The following GCC1 variants were observed in gnomAD, a reference collection of about 807,000 sequenced individuals.
The protein encoded by GCC1 is GRIP and coiled-coil domain-containing protein 1.
GCC1 carries 36 observed loss-of-function variants against 62.5 expected under a neutral mutation model. That is an observed-to-expected ratio of 0.58 (90% CI 0.44 to 0.76). GCC1 has a LOEUF of 0.76. Among genes scored for constraint, GCC1 ranks in the 30% least tolerant of loss-of-function variants. The pLI is 0.00. For synonymous variants in GCC1, 391 were observed against 386.8 expected (o/e 1.01, Z -0.13); for missense variants, 885 against 948.3 (o/e 0.93, Z 0.88).
rs1366812004 is a variant in GCC1 at position 127,583,136 on chromosome 7, G to A, written c.1206C>T (p.Asp402=). ...CTAGAGCCAGTGTCTTGTTCTCCAG[G>A]TCCAGCTGCAGAATGCGCTCCTTCA... is the stretch of plus-strand genomic sequence containing the variant. The part of the protein sequence containing the change: ...QKLKERILQL[D]LENKTLALAA... The change falls in exon 2 of 2, where the codon GAC becomes GAT. Residue 402 remains aspartate (D), a synonymous_variant. Coordinates refer to ENST00000321407, the MANE Select transcript of GCC1 (RefSeq NM_024523.6). The A allele has an allele frequency of 6.2e-7, 1 of 1,613,914 alleles. No homozygotes were observed. Among genetic ancestry groups the A allele is most frequent in the Non-Finnish European group, 8.5e-7 (1 of 1,180,036 alleles).
Position 127,584,868 on chromosome 7 carries a change from G to A in GCC1, c.315C>T (p.Ala105=). The A allele has an allele frequency of 1.9e-6, 3 of 1,614,150 alleles. No individual in the cohort carries two copies. The highest frequency in any genetic ancestry group is 2.5e-6 in the Non-Finnish European group (3 of 1,180,026). Residue 105 remains alanine (A), a synonymous_variant, in exon 1 of 2, where the codon GCC becomes GCT. Transcript: ENST00000321407. ...ACTCACCCTTGGTGCTGGTGAGACT[G>A]GCCGCAGTATCCAAGCTAGTGGCGG... The part of the protein sequence containing the change: ...TGTATSLDTA[A]SLTSTKGEFG...
At position 127,582,936 on chromosome 7, in the gene GCC1, T is replaced by C; in HGVS notation, c.1406A>G (p.Glu469Gly). The change falls in exon 2 of 2, where the codon GAG (glutamate) becomes GGG (glycine). Residue 469 changes from glutamate to glycine, a missense_variant. Glu to Gly is a moderately conservative substitution (Grantham distance 98, BLOSUM62 -2). Transcript: ENST00000321407. This position sits in a 1 kb window ranked among gnomAD's most constrained non-coding sequence, Gnocchi z 4.8. ...AGTAGCCTTCTCCCCATCAGCAGCC[T>C]CCGAGCTGGGCATTATCTCCAGGTC... ...LCDLEIMPSSEAADGEKATAL... is the reference protein window; with the variant it reads ...LCDLEIMPSSGAADGEKATAL... 6.2e-7 allele frequency: 1 copy of C among 1,614,152 alleles called. No individual in the cohort carries two copies. Among genetic ancestry groups the C allele is most frequent in the Non-Finnish European group, 8.5e-7 (1 of 1,180,034 alleles).
chr7:127,583,031 C>T lies in GCC1; in HGVS notation c.1311G>A (p.Glu437=), dbSNP rs1214326277. The T allele has an allele frequency of 1.6e-5, 26 of 1,614,190 alleles. No homozygotes were observed. Among genetic ancestry groups the T allele is most frequent in the Non-Finnish European group, 2.2e-5 (26 of 1,180,044 alleles). Residue 437 remains glutamate, a synonymous_variant, in exon 2 of 2, where the codon GAG becomes GAA. Coordinates refer to ENST00000321407, the MANE Select transcript of GCC1 (RefSeq NM_024523.6). The part of the protein sequence containing the change: ...LDVNVLKDKM[E]KLKRLLQVAA... ...CAACCTGCAGCAGCCTCTTCAGCTT[C>T]TCCATCTTATCTTTCAGGACATTGA...
Position 127,585,307 on chromosome 7 carries a change from C to T in GCC1, c.-125G>A. ...CCGGCGGCGGGCCGCACACCTACTC[C>T]ACCTAGTTATCCCGGACCTAATGCG... On this transcript the variant is annotated 5_prime_UTR_variant, in exon 1 of 2. Coordinates refer to ENST00000321407, the MANE Select transcript of GCC1 (RefSeq NM_024523.6). 1.1e-6 allele frequency: 1 copy of T among 886,734 alleles called. No homozygotes were observed. Among genetic ancestry groups the T allele is most frequent in the Non-Finnish European group, 1.7e-6 (1 of 590,634 alleles). 54.9% of individuals were successfully genotyped at this position (886,734 alleles called of 1,614,324 possible).
At position 127,581,102 on chromosome 7, in the gene GCC1, C is replaced by T. The variant is rs1422561030; in HGVS notation, c.*912G>A. 6.6e-6 allele frequency: 1 copy of T among 152,198 alleles called. No individual in the cohort carries two copies. Among genetic ancestry groups the T allele is most frequent in the Admixed American group, 6.5e-5 (1 of 15,282 alleles). The allele number at this position is 152,198 out of a possible 1,614,324, so 9.4% of individuals were successfully genotyped here. A position where few individuals can be genotyped will look rare whatever the true frequency, so the allele number is the denominator to read the frequency against. On this transcript the variant is annotated 3_prime_UTR_variant, in exon 2 of 2. Coordinates refer to ENST00000321407, the MANE Select transcript of GCC1 (RefSeq NM_024523.6). ...AAATTTTCCCCTTTTGCTGTCCCTA[C>T]AAAGGCAGAAAAGCTAGGGGCCAAT...
At position 127,584,551 on chromosome 7, in the gene GCC1, A is replaced by T. The variant is rs367828009; in HGVS notation, c.632T>A (p.Leu211Gln). 2.5e-6 allele frequency: 4 copies of T among 1,613,798 alleles called. No homozygotes were observed. In the African/African-American group the frequency reaches 5.3e-5, roughly 22 times the overall value. Reference sequence around the variant, plus strand: ...CTGCAGCCCCTTCAATTCTCCCTCCAGGCGGGCCCTCTCCTCCTCCGCCTT... The same window carrying T: ...CTGCAGCCCCTTCAATTCTCCCTCCTGGCGGGCCCTCTCCTCCTCCGCCTT... ...SNKAEEERAR[L>Q]EGELKGLQEQ... The change falls in exon 1 of 2, where the codon CTG (leucine) becomes CAG (glutamine). Residue 211 changes from leucine to glutamine, a missense_variant. Physicochemically the swap from Leu to Gln is moderately radical, Grantham distance 113 (BLOSUM62 -2). Transcript: ENST00000321407.
In GCC1 at chr7:127,583,313, C is replaced by A; in HGVS notation, c.1033-4G>T. ...GTTGATCCTCTGCAAGAGCTGTCTG[C>A]AAAACAAGGGAACAGACAAAAATGC... On this transcript the variant is annotated splice_region_variant and splice_polypyrimidine_tract_variant and intron_variant, in intron 1 of 1. Transcript: ENST00000321407. 2 of 1,582,792 alleles carry A rather than the reference C, an allele frequency of 1.3e-6. No homozygotes were observed. The highest frequency in any genetic ancestry group is 1.1e-5 in the South Asian group (1 of 88,520).
chr7:127,582,706 G>T lies in GCC1; in HGVS notation c.1636C>A (p.Gln546Lys), dbSNP rs1443534674. 6.2e-7 allele frequency: 1 copy of T among 1,614,100 alleles called. No individual in the cohort carries two copies. ...TGCTTCCAGTCATCAGCCTCCTGCT[G>T]GTGTTGGTGCTCCAGCTCCTCGCAG... Reference protein sequence around the residue: ...LSCEELEHQHQQEADDWKQEL... With the variant: ...LSCEELEHQHKQEADDWKQEL... Residue 546 changes from glutamine (Q) to lysine (K), a missense_variant, in exon 2 of 2, where the codon CAG becomes AAG. Transcript: ENST00000321407. The surrounding 1 kb of genome is among the most constrained non-coding windows in gnomAD (Gnocchi z 4.8).
Position 127,584,241 on chromosome 7 carries a change from A to C in GCC1, c.942T>G (p.Asn314Lys). Reference protein sequence around the residue: ...SELQAIRDEKNQPDPRLQELQ... With the variant: ...SELQAIRDEKKQPDPRLQELQ... ...GTTCTTGCAGCCGGGGATCTGGCTG[A>C]TTCTTCTCATCTCGAATGGCCTGCA... is the stretch of plus-strand genomic sequence containing the variant. The change falls in exon 1 of 2, where the codon AAT becomes AAG. Residue 314 changes from asparagine (N) to lysine (K), a missense_variant. By Grantham distance (94) the Asn-to-Lys change is moderately conservative. Transcript: ENST00000321407. 6.2e-7 allele frequency: 1 copy of C among 1,613,608 alleles called. No individual in the cohort carries two copies. The highest frequency in any genetic ancestry group is 1.7e-5 in the Admixed American group (1 of 59,928).
rs1307163560 is a variant in GCC1, at chr7:127,582,315, C to A, written c.2027G>T (p.Arg676Met). The change falls in exon 2 of 2, where the codon AGG becomes ATG. Residue 676 changes from arginine to methionine, a missense_variant. Coordinates refer to ENST00000321407, the MANE Select transcript of GCC1 (RefSeq NM_024523.6). The surrounding 1 kb of genome is among the most constrained non-coding windows in gnomAD (Gnocchi z 4.8). ...CAGCTGATGCACCTCGACCTCCAGC[C>A]TGTGCTTCTGCTTCCTCAGTGATGT... ...EITSLRKQKH[R>M]LEVEVHQLQD... 1.9e-6 allele frequency: 3 copies of A among 1,614,114 alleles called. No homozygotes were observed. Among genetic ancestry groups the A allele is most frequent in the Admixed American group, 1.7e-5 (1 of 60,008 alleles).
Position 127,581,905 on chromosome 7 carries a change from C to T in GCC1, c.*109G>A. The T allele has an allele frequency of 9.2e-6, 8 of 870,736 alleles. No homozygotes were observed. Among genetic ancestry groups the T allele is most frequent in the African/African-American group, 3.4e-5 (2 of 59,498 alleles). The allele number at this position is 870,736 out of a possible 1,614,324, so 53.9% of individuals were successfully genotyped here. A position where few individuals can be genotyped will look rare whatever the true frequency, so the allele number is the denominator to read the frequency against. On this transcript the variant is annotated 3_prime_UTR_variant, in exon 2 of 2. Transcript: ENST00000321407. ...ACATTGAAGACTCCTCCCAGCTCAA[C>T]ACAGTGAAGAAATAAATGACAATGT...
Position 127,582,459 on chromosome 7 carries a change from C to G in GCC1, c.1883G>C (p.Gly628Ala). ...AGAGGATGATGTGTCAGCTGGGTCC[C>G]CAGGACCGCCACCACCCACAGGACT... The part of the protein sequence containing the change: ...RRSPVGGGGP[G>A]DPADTSSSDS... Residue 628 changes from glycine to alanine, a missense_variant, in exon 2 of 2, where the codon GGG (glycine) becomes GCG (alanine). Physicochemically the swap from Gly to Ala is moderately conservative, Grantham distance 60. Transcript: ENST00000321407. This position sits in a 1 kb window ranked among gnomAD's most constrained non-coding sequence, Gnocchi z 4.8. 1 of 1,614,040 alleles carries G rather than the reference C, an allele frequency of 6.2e-7. No homozygotes were observed. Among genetic ancestry groups the G allele is most frequent in the Non-Finnish European group, 8.5e-7 (1 of 1,180,022 alleles).
chr7:127,584,622 CAAGT>C lies in GCC1; in HGVS notation c.557_560del (p.Tyr186TrpfsTer7). The C allele has an allele frequency of 6.2e-7, 1 of 1,614,138 alleles. No individual in the cohort carries two copies. The highest frequency in any genetic ancestry group is 8.5e-7 in the Non-Finnish European group (1 of 1,180,034). On this transcript the variant is annotated frameshift_variant, in exon 1 of 2. Coordinates refer to ENST00000321407, the MANE Select transcript of GCC1 (RefSeq NM_024523.6). ...CCTGTTTCATCTTTTTCTTGTCAGC[CAAGT>C]AAGAAGCCTCCATGCGGGACTTCTC...
chr7:127,582,059 C>T lies in GCC1; in HGVS notation c.2283G>A (p.Met761Ile). Residue 761 changes from methionine to isoleucine, a missense_variant, in exon 2 of 2, where the codon ATG (methionine) becomes ATA (isoleucine). Physicochemically the swap from Met to Ile is conservative, Grantham distance 10. Transcript: ENST00000321407. The surrounding 1 kb of genome is among the most constrained non-coding windows in gnomAD (Gnocchi z 4.8). ...HFSPEEKQVI[M>I]RLPTSASWWP... ...ACCAGCTGGCACTGGTTGGGAGTCG[C>T]ATTATCACTTGTTTCTCCTCTGGAC... 6.2e-7 allele frequency: 1 copy of T among 1,614,172 alleles called. No homozygotes were observed. The highest frequency in any genetic ancestry group is 8.5e-7 in the Non-Finnish European group (1 of 1,180,024).
In GCC1 at chr7:127,582,983, G is replaced by A. The variant is rs781365548; in HGVS notation, c.1359C>T (p.Thr453=). The change falls in exon 2 of 2, where the codon ACC becomes ACT. Residue 453 remains threonine, a synonymous_variant. Coordinates refer to ENST00000321407, the MANE Select transcript of GCC1 (RefSeq NM_024523.6). The surrounding 1 kb of genome is among the most constrained non-coding windows in gnomAD (Gnocchi z 4.8). Reference sequence around the variant, plus strand: ...GGTCACAGAGCTTCTCCACATCCAGGGTCACCTGGCTTTTCCTGGCCGCAA... The same window carrying A: ...GGTCACAGAGCTTCTCCACATCCAGAGTCACCTGGCTTTTCCTGGCCGCAA... ...LQVAARKSQV[T]LDVEKLCDLE... 1 of 1,613,956 alleles carries A rather than the reference G, an allele frequency of 6.2e-7. No individual in the cohort carries two copies. The highest frequency in any genetic ancestry group is 1.3e-5 in the African/African-American group (1 of 74,892).
intron 1 of GCC1, among the ~76,000 whole-genome samples, 187 bp downstream of exon 1, chr7:127,583,964 C>T (rs1223237113): frequency 6.6e-6 from 1 of 152,204 alleles, no homozygotes; most frequent in Non-Finnish European, 1.5e-5. Context: ...AGCTCCACAT[C>T]CTCCTGGAAG....
At position 127,583,181 on chromosome 7, in the gene GCC1, G is replaced by GTCCT. The variant is rs1349234166; in HGVS notation, c.1157_1160dup (p.Asp387GlufsTer50). 1 of 1,613,938 alleles carries GTCCT rather than the reference G, an allele frequency of 6.2e-7. No homozygotes were observed. The highest frequency in any genetic ancestry group is 8.5e-7 in the Non-Finnish European group (1 of 1,180,014). ...CCTTCAGCTTCTGAATGGCCAGCTG[G>GTCCT]TCCTTCTGCTTGGCTTTCTCGTAGG... On this transcript the variant is annotated frameshift_variant, in exon 2 of 2. Transcript: ENST00000321407.
rs763231195 is a variant in GCC1 at position 127,582,434 on chromosome 7, A to G, written c.1908T>C (p.Ser636=). The change falls in exon 2 of 2, where the codon TCT becomes TCC. Residue 636 remains serine (S), a synonymous_variant. Coordinates refer to ENST00000321407, the MANE Select transcript of GCC1 (RefSeq NM_024523.6). The surrounding 1 kb of genome is among the most constrained non-coding windows in gnomAD (Gnocchi z 4.8). Reference sequence around the variant, plus strand: ...GTTGTAATGCTTGGGTCAGGCTATCAGAGGATGATGTGTCAGCTGGGTCCC... The same window carrying G: ...GTTGTAATGCTTGGGTCAGGCTATCGGAGGATGATGTGTCAGCTGGGTCCC... ...GPGDPADTSS[S]DSLTQALQLA... The G allele has an allele frequency of 1.2e-6, 2 of 1,614,038 alleles. No individual in the cohort carries two copies. Among genetic ancestry groups the G allele is most frequent in the African/African-American group, 2.7e-5 (2 of 74,924 alleles).
Position 127,584,272 on chromosome 7 carries a change from C to A in GCC1, c.911G>T (p.Ser304Ile). ...CTCATCTCGAATGGCCTGCAGTTCA[C>A]TTTTCAGCTCCTCCACCTCACGGGT... ...QLTREVEELK[S>I]ELQAIRDEKN... is the part of the protein sequence containing the mutation. The change falls in exon 1 of 2, where the codon AGT (serine) becomes ATT (isoleucine). Residue 304 changes from serine to isoleucine, a missense_variant. Transcript: ENST00000321407. The A allele has an allele frequency of 6.2e-7, 1 of 1,613,724 alleles. No individual in the cohort carries two copies. Among genetic ancestry groups the A allele is most frequent in the Non-Finnish European group, 8.5e-7 (1 of 1,179,970 alleles).
Sources: gnomAD v4.1 joint callset for allele counts (sites outside exome capture counted in the v4.1 genomes callset) on GRCh38, gnomAD v4.1.1 for gene constraint, Gnocchi (gnomAD v3.1) non-coding constraint, MANE v1.5 for transcripts, NCBI Gene and HGNC (gene_info 2026-07-23, HGNC 2026-07-21) for gene names.